The following ACOXL variants were observed in gnomAD, a reference collection of about 807,000 sequenced individuals.
ACOXL encodes the protein acyl-coenzyme A oxidase-like protein.
ACOXL carries 70 observed loss-of-function variants against 71.9 expected under a neutral mutation model. The ratio of observed to expected loss-of-function variants is 0.97; its 90% CI spans 0.80 to 1.19. ACOXL has a LOEUF of 1.19. Ranked by LOEUF, ACOXL falls within the 50% of genes most tolerant of loss-of-function variation. The pLI, the probability that ACOXL is intolerant of heterozygous loss-of-function variation, is 0.00. For synonymous variants in ACOXL, 253 were observed against 281.6 expected (o/e 0.90, Z 1.02); for missense variants, 703 against 736.3 (o/e 0.95, Z 0.52).
chr2:111,093,177 C>G (rs2068625627), intron 17 of ACOXL, among the ~76,000 whole-genome samples: 1 of 146,840 alleles, frequency 6.8e-6, no homozygotes, highest in African/African-American at 2.5e-5. Context: ...CATGAGTTTT[C>G]TAACATGAAA....
intron 16 of ACOXL, among the ~76,000 whole-genome samples, chr2:111,091,169 C>T (rs1481341496): frequency 1.3e-5 from 2 of 152,134 alleles, no homozygotes; most frequent in Non-Finnish European, 2.9e-5. Flanking sequence ...ATCCAGCAGC[C>T]ACTCCCTGCC....
intron 17 of ACOXL, chr2:111,099,013 GA>G (rs1398476135): frequency 6.6e-6 from 1 of 152,104 alleles, no homozygotes. Flanking sequence ...AATGACTGTC[GA>G]AGATTCTAGC....
At chr2:110,886,737 G>T (rs191225265) in intron 10 of ACOXL, 1 of 1,550,390 alleles carries the variant, frequency 6.4e-7, no homozygotes, top group Non-Finnish European at 8.7e-7. Flanking sequence ...CCTTGCGGAA[G>T]AACTGAATTT....
chr2:110,975,111 A>C (rs2062384591), intron 12 of ACOXL, among the ~76,000 whole-genome samples: 1 of 152,184 alleles, frequency 6.6e-6, no homozygotes, highest in South Asian at 2.1e-4. Flanking sequence ...CTGAGGAAGA[A>C]AATAAAAGAG....
intron 10 of ACOXL, among the ~76,000 whole-genome samples, chr2:110,868,550 C>T (rs1386608895): frequency 6.6e-6 from 1 of 152,182 alleles, no homozygotes; most frequent in African/African-American, 2.4e-5. Context: ...TCTTCTAGTA[C>T]ACACATCTTA....
chr2:111,006,755 C>T (rs933380816), intron 14 of ACOXL, among the ~76,000 whole-genome samples: 10 of 151,956 alleles, frequency 6.6e-5, no homozygotes, highest in East Asian at 3.9e-4. Context: ...GATGGGATTT[C>T]GCCATGTTGA....
chr2:110,847,181 G>A (rs1573811190), intron 10 of ACOXL, among the ~76,000 whole-genome samples: 1 of 151,986 alleles, frequency 6.6e-6, no homozygotes, highest in Non-Finnish European at 1.5e-5. Flanking sequence ...CACTGTGTGG[G>A]TGTTTTGTTT....
At chr2:111,060,964 ACT>A (rs1229890438) in intron 16 of ACOXL, among the ~76,000 whole-genome samples, 8 of 152,166 alleles carry the variant, frequency 5.3e-5, no homozygotes, top group Non-Finnish European at 7.4e-5. Flanking sequence ...GAAATGACTG[ACT>A]CTGTACAACA....
rs766770172 is a variant in ACOXL at position 110,818,423 on chromosome 2, ATG to A, written c.753+13056_753+13057del. On this transcript the variant is annotated intron_variant, in intron 9 of 17. Transcript: ENST00000439055. ...AAAAAAAAAAAACATATATATATAT[ATG>A]TGTGTGTGTGTGTGTGTGTGTGTGT... Among the ~76,000 whole-genome samples, 1,202 of 137,226 alleles carry A rather than the reference ATG, an allele frequency of 8.8e-3. 20 individuals carry two copies. Among genetic ancestry groups the A allele is most frequent in the Middle Eastern group, 0.015 (4 of 264 alleles). 90.0% of individuals were successfully genotyped at this position (137,226 alleles called of 152,430 possible).
intron 3 of ACOXL, among the ~76,000 whole-genome samples, chr2:110,787,176 T>A (rs1199891514): frequency 1.3e-5 from 2 of 152,132 alleles, no homozygotes; most frequent in Non-Finnish European, 2.9e-5. Flanking sequence ...ATAAAATTTT[T>A]TTCTGAAAAC....
intron 9 of ACOXL, among the ~76,000 whole-genome samples, chr2:110,835,420 G>C (rs1205042682): frequency 2.6e-5 from 4 of 152,174 alleles, no homozygotes; most frequent in Non-Finnish European, 4.4e-5. Context: ...GAAAGGGGAG[G>C]GTGCTGCAGC....
intron 12 of ACOXL, among the ~76,000 whole-genome samples, chr2:110,964,130 A>G (rs775135202): frequency 4.6e-5 from 7 of 152,184 alleles, no homozygotes; most frequent in Non-Finnish European, 1.0e-4. Flanking sequence ...CATGTTTTCA[A>G]GTATGTTGAA....
intron 1 of ACOXL, among the ~76,000 whole-genome samples, chr2:110,756,768 C>A (rs1679754602): frequency 6.6e-6 from 1 of 152,100 alleles, no homozygotes; most frequent in Non-Finnish European, 1.5e-5. Flanking sequence ...ATACTTACTT[C>A]TGTTTCTCAA....
chr2:110,914,850 A>G (rs2149263208), intron 11 of ACOXL, among the ~76,000 whole-genome samples: 1 of 152,294 alleles, frequency 6.6e-6, no homozygotes, highest in South Asian at 2.1e-4. Flanking sequence ...TTGTGGGTAT[A>G]TAGTAGGTGT....
chr2:111,114,144 A>T (rs2070178139), intron 17 of ACOXL: 2 of 152,698 alleles, frequency 1.3e-5, no homozygotes, highest in South Asian at 4.1e-4. Context: ...CTTACCTGGG[A>T]TCACTCCTGT....
intron 10 of ACOXL, among the ~76,000 whole-genome samples, chr2:110,897,230 G>A (rs142111170): frequency 1.1e-3 from 160 of 152,302 alleles, no homozygotes; most frequent in Non-Finnish European, 1.6e-3. Context: ...CTAAAGCAGT[G>A]CTGAGAGGAA....
At chr2:110,846,336 G>C (rs1691829238) in intron 10 of ACOXL, among the ~76,000 whole-genome samples, 2 of 152,108 alleles carry the variant, frequency 1.3e-5, no homozygotes, top group African/African-American at 4.8e-5. Context: ...CACTCTTGAA[G>C]AAGAATGGAT....
chr2:110,999,714 A>G (rs942374039), intron 14 of ACOXL, among the ~76,000 whole-genome samples: 5 of 152,176 alleles, frequency 3.3e-5, no homozygotes, highest in African/African-American at 1.2e-4. Flanking sequence ...GGGCAAAACC[A>G]TGTCATAAGA....
intron 12 of ACOXL, among the ~76,000 whole-genome samples, chr2:110,981,934 G>C (rs1014523086): frequency 1.4e-4 from 21 of 152,124 alleles, no homozygotes; most frequent in African/African-American, 4.8e-4. Flanking sequence ...CTGGAAGGAA[G>C]GAGGGAAACC....
Sources: gnomAD v4.1 joint callset for allele counts (sites outside exome capture counted in the v4.1 genomes callset) on GRCh38, gnomAD v4.1.1 for gene constraint, MANE v1.5 for transcripts, NCBI Gene and HGNC (gene_info 2026-07-23, HGNC 2026-07-21) for gene names.